PPP1R12B: variants seen among roughly 807,000 people sequenced by gnomAD.
PPP1R12B encodes the protein myosin phosphatase target subunit 2.
In PPP1R12B, 76 loss-of-function variants were observed where a neutral mutation model predicts 126.1. The ratio of observed to expected loss-of-function variants is 0.60; its 90% CI spans 0.50 to 0.73. The LOEUF (loss-of-function observed/expected upper bound fraction) is 0.73. Among genes scored for constraint, PPP1R12B ranks in the 30% least tolerant of loss-of-function variants. The probability of loss-of-function intolerance (pLI) is 0.00; values close to 1 mark genes in which losing one functional copy is unlikely to be tolerated. For synonymous variants in PPP1R12B, 356 were observed against 434.7 expected (o/e 0.82, Z 2.25); for missense variants, 1,052 against 1,205.1 (o/e 0.87, Z 1.88).
intron 18 of PPP1R12B, among the ~76,000 whole-genome samples, chr1:202,544,188 C>T (rs1685417812): frequency 6.6e-6 from 1 of 152,056 alleles, no homozygotes; most frequent in African/African-American, 2.4e-5. Flanking sequence ...TTTCTTTTGA[C>T]AGTAATTTTC....
intron 23 of PPP1R12B, chr1:202,575,050 C>G: frequency 6.2e-7 from 1 of 1,613,508 alleles, no homozygotes; most frequent in Non-Finnish European, 8.5e-7. Context: ...GATGAACGAG[C>G]AACTGCAGGC....
intron 18 of PPP1R12B, among the ~76,000 whole-genome samples, chr1:202,557,605 C>T (rs1687090636): frequency 6.6e-6 from 1 of 152,092 alleles, no homozygotes; most frequent in Admixed American, 6.6e-5. Context: ...TCGTTTAGTC[C>T]AGCGGTATTT....
At chr1:202,440,582 G>A (rs1671475449) in intron 10 of PPP1R12B, 124 bp from the exon 11 acceptor site, 1 of 639,444 alleles carries the variant, frequency 1.6e-6, no homozygotes, top group Non-Finnish European at 2.7e-6. Flanking sequence ...ACTCAAAATA[G>A]AATTAGTGTT....
At chr1:202,446,254 A>ATTTTTTTTTTTT (rs879273755) in intron 12 of PPP1R12B, among the ~76,000 whole-genome samples, 1 of 47,190 alleles carries the variant, frequency 2.1e-5, no homozygotes, top group African/African-American at 6.6e-5. Flanking sequence ...ATATATATAT[A>ATTTTTTTTTTTT]TATTTTTTTT....
At chr1:202,362,146 T>TGG (rs1000760642) in intron 1 of PPP1R12B, among the ~76,000 whole-genome samples, 2 of 152,058 alleles carry the variant, frequency 1.3e-5, no homozygotes, top group African/African-American at 4.8e-5. Context: ...TTTTTAAAGT[T>TGG]GGTTGGTCTA....
intron 18 of PPP1R12B, among the ~76,000 whole-genome samples, chr1:202,543,295 C>T (rs1291035234): frequency 6.6e-6 from 1 of 152,088 alleles, no homozygotes; most frequent in Non-Finnish European, 1.5e-5. Context: ...ATGATATACT[C>T]CCTAATGAAA....
At chr1:202,560,690 T>G (rs1687424613) in intron 19 of PPP1R12B, among the ~76,000 whole-genome samples, 1 of 152,222 alleles carries the variant, frequency 6.6e-6, no homozygotes, top group Non-Finnish European at 1.5e-5. Flanking sequence ...TTAAAACGCC[T>G]TAACCGTCTG....
At position 202,562,696 on chromosome 1, in the gene PPP1R12B, C is replaced by T. The variant is rs556827907; in HGVS notation, c.2508-82C>T. The T allele has an allele frequency of 2.1e-5, 31 of 1,444,230 alleles. 1 individual carries two copies. The highest frequency in any genetic ancestry group is 1.7e-4 in the South Asian group (15 of 86,910). 89.5% of individuals were successfully genotyped at this position (1,444,230 alleles called of 1,614,324 possible). On this transcript the variant is annotated intron_variant, in intron 19 of 23. Transcript: ENST00000608999. ...GCTCCGAAATACTTCTTAGAAAAGGCGCAAACTACCCCTGAGCATTACCTT... is the reference window on the plus strand; with the variant it reads ...GCTCCGAAATACTTCTTAGAAAAGGTGCAAACTACCCCTGAGCATTACCTT...
At chr1:202,460,727 T>C (rs1337244986) in intron 13 of PPP1R12B, among the ~76,000 whole-genome samples, 1 of 152,208 alleles carries the variant, frequency 6.6e-6, no homozygotes, top group African/African-American at 2.4e-5. Flanking sequence ...GTACATTTTC[T>C]ACTATATTAC....
chr1:202,366,056 G>A (rs542269609), intron 1 of PPP1R12B, among the ~76,000 whole-genome samples: 155 of 152,106 alleles, frequency 1.0e-3, no homozygotes, highest in Non-Finnish European at 1.6e-3. Flanking sequence ...GATTCTTTTA[G>A]CATTCCATTA....
chr1:202,580,024 GA>G (rs1167968354), intron 23 of PPP1R12B, among the ~76,000 whole-genome samples: 2 of 152,154 alleles, frequency 1.3e-5, no homozygotes, highest in Non-Finnish European at 2.9e-5. Context: ...GATGAGATGT[GA>G]AGCAGTATCC....
intron 11 of PPP1R12B, among the ~76,000 whole-genome samples, chr1:202,441,979 C>G (rs1671687131): frequency 6.6e-6 from 1 of 151,922 alleles, no homozygotes; most frequent in Non-Finnish European, 1.5e-5. Flanking sequence ...GCCTCAGCCT[C>G]CCGAGTACAG....
intron 11 of PPP1R12B, among the ~76,000 whole-genome samples, 179 bp from the exon 12 acceptor site, chr1:202,442,268 G>T (rs1053018302): frequency 6.6e-6 from 1 of 152,222 alleles, no homozygotes; most frequent in Non-Finnish European, 1.5e-5. Context: ...ATAAAAGAAA[G>T]CAGGCAGTAA....
At position 202,387,391 on chromosome 1, in the gene PPP1R12B, C is replaced by T. The variant is rs140974568; in HGVS notation, c.292-29396C>T. On this transcript the variant is annotated intron_variant, in intron 1 of 23. Transcript: ENST00000608999. The stretch of plus-strand genomic sequence containing the variant: ...GATATGGGGATCATCTCTGCTTAGT[C>T]TTAATTAAGTGAAGACTTTGGCACC... 3.1e-3 allele frequency among the ~76,000 whole-genome samples: 475 copies of T among 152,278 alleles called. 4 individuals are homozygous for T. Among genetic ancestry groups the T allele is most frequent in the Non-Finnish European group, 4.1e-3 (282 of 68,028 alleles).
intron 19 of PPP1R12B, among the ~76,000 whole-genome samples, chr1:202,559,948 A>G (rs1261463682): frequency 6.6e-6 from 1 of 152,188 alleles, no homozygotes; most frequent in Non-Finnish European, 1.5e-5. Flanking sequence ...TACCAATTAA[A>G]ACAGTGAAGC....
At chr1:202,436,931 A>C (rs1235546625) in intron 9 of PPP1R12B, among the ~76,000 whole-genome samples, 12 of 152,224 alleles carry the variant, frequency 7.9e-5, no homozygotes, top group African/African-American at 2.9e-4. Flanking sequence ...CTCTAGATCA[A>C]ATAAATTTTC....
At chr1:202,406,106 T>C (rs571715957) in intron 1 of PPP1R12B, among the ~76,000 whole-genome samples, 1 of 152,322 alleles carries the variant, frequency 6.6e-6, no homozygotes, top group South Asian at 2.1e-4. Context: ...ATGCCATAGC[T>C]TTCAGGCTGT....
intron 23 of PPP1R12B, among the ~76,000 whole-genome samples, chr1:202,579,207 A>G (rs1451624246): frequency 6.6e-6 from 1 of 152,204 alleles, no homozygotes; most frequent in Non-Finnish European, 1.5e-5. Flanking sequence ...TTTAACCTAT[A>G]TCTTCTCTGA....
At chr1:202,426,052 ATCATTTGTTCCGTT>A in intron 4 of PPP1R12B, among the ~76,000 whole-genome samples, 1 of 152,238 alleles carries the variant, frequency 6.6e-6, no homozygotes, top group Non-Finnish European at 1.5e-5. Context: ...AATACTTGTG[ATCATTTGTTCCGTT>A]TTGACTTATA....
Sources: gnomAD v4.1 joint callset for allele counts (sites outside exome capture counted in the v4.1 genomes callset) on GRCh38, gnomAD v4.1.1 for gene constraint, MANE v1.5 for transcripts, NCBI Gene and HGNC (gene_info 2026-07-23, HGNC 2026-07-21) for gene names.